The following MYZAP variants were observed in gnomAD, a reference collection of about 807,000 sequenced individuals.
The protein encoded by MYZAP is myocardial zonula adherens protein, also known as GRINL1A complex locus upstream.
Under a neutral mutation model 69.4 loss-of-function variants are expected in MYZAP, and 66 were observed. That is an observed-to-expected ratio of 0.95 (90% CI 0.78 to 1.17). The LOEUF (loss-of-function observed/expected upper bound fraction) is 1.17, where lower values mean the gene tolerates loss of function less well. Ranked by LOEUF, MYZAP falls within the 50% of genes most tolerant of loss-of-function variation. The pLI is 0.00. For missense variants in MYZAP, 611 were observed against 556.2 expected (o/e 1.10, Z -0.99); for synonymous variants, 256 against 205.9 (o/e 1.24, Z -2.09).
chr15:57,611,275 C>A (rs904716220), intron 2 of MYZAP, among the ~76,000 whole-genome samples: 1 of 152,144 alleles, frequency 6.6e-6, no homozygotes, highest in African/African-American at 2.4e-5. Context: ...ATTTGCAATT[C>A]CAACTCAGGT....
rs961468637 is a variant in MYZAP at position 57,603,994 on chromosome 15, A to C, written c.76-275A>C. Among the ~76,000 whole-genome samples the C allele has an allele frequency of 2.0e-5, 3 of 152,240 alleles. No homozygotes were observed. The East Asian group carries it at 5.8e-4, about 29-fold the overall frequency. On this transcript the variant is annotated intron_variant, in intron 1 of 12. Coordinates refer to ENST00000267853, the MANE Select transcript of MYZAP (RefSeq NM_001018100.5). ...GATCATTCTATACATATTCTTATGG[A>C]AACTGAGCCATTGGTAAAGAAATGT...
At chr15:57,625,936 C>A in intron 5 of MYZAP, 44 bp downstream of exon 5, 1 of 1,552,952 alleles carries the variant, frequency 6.4e-7, no homozygotes, top group South Asian at 1.1e-5. Context: ...CCAGCTTAAT[C>A]AAGAGTGGGG....
At chr15:57,617,055 GA>G (rs1472373789) in intron 2 of MYZAP, among the ~76,000 whole-genome samples, 1 of 151,802 alleles carries the variant, frequency 6.6e-6, no homozygotes, top group Non-Finnish European at 1.5e-5. Context: ...CCATGTTGTG[GA>G]GGCACCTACT....
chr15:57,669,657 A>C (rs1284297396), intron 11 of MYZAP, among the ~76,000 whole-genome samples: 1 of 151,984 alleles, frequency 6.6e-6, no homozygotes, highest in African/African-American at 2.4e-5. Context: ...CCTGATGTTC[A>C]TTACTTCCTT....
intron 12 of MYZAP, among the ~76,000 whole-genome samples, chr15:57,681,207 C>T (rs758746149): frequency 6.6e-6 from 1 of 152,180 alleles, no homozygotes; most frequent in Admixed American, 6.5e-5. Context: ...AGCCATCTGG[C>T]TTCTGCCCCT....
intron 10 of MYZAP, among the ~76,000 whole-genome samples, chr15:57,640,926 C>G (rs2037115874): frequency 6.6e-6 from 1 of 152,190 alleles, no homozygotes; most frequent in Non-Finnish European, 1.5e-5. Flanking sequence ...ATCGTCAACA[C>G]TAGGTAGATG....
At chr15:57,621,017 A>G (rs982962462) in intron 3 of MYZAP, among the ~76,000 whole-genome samples, 1 of 147,998 alleles carries the variant, frequency 6.8e-6, no homozygotes, top group Non-Finnish European at 1.5e-5. Context: ...TATTTGATAT[A>G]TTCTATATTA....
At chr15:57,593,212 A>ACACACACACACACACACACACACACT (rs770540454) in intron 1 of MYZAP, among the ~76,000 whole-genome samples, 5 of 124,906 alleles carry the variant, frequency 4.0e-5, no homozygotes, top group South Asian at 5.1e-4. Flanking sequence ...ACACACACAC[A>ACACACACACACACACACACACACACT]CACCCCAGAA....
At chr15:57,596,191 A>G (rs1365101412) in intron 1 of MYZAP, among the ~76,000 whole-genome samples, 1 of 151,980 alleles carries the variant, frequency 6.6e-6, no homozygotes, top group South Asian at 2.1e-4. Flanking sequence ...ATTTTGACCC[A>G]TTTGTCTCTG....
chr15:57,613,235 C>A (rs1224970277), intron 2 of MYZAP, among the ~76,000 whole-genome samples: 1 of 151,748 alleles, frequency 6.6e-6, no homozygotes, highest in Non-Finnish European at 1.5e-5. Flanking sequence ...CCTGGCCAGG[C>A]CTTTTATTTT....
At chr15:57,679,443 C>G (rs1352068372) in intron 12 of MYZAP, among the ~76,000 whole-genome samples, 1 of 151,366 alleles carries the variant, frequency 6.6e-6, no homozygotes, top group Non-Finnish European at 1.5e-5. Flanking sequence ...ATTTTCATCT[C>G]TTTCACTAAT....
intron 1 of MYZAP, chr15:57,599,507 G>C (rs1432599950): frequency 8.3e-7 from 1 of 1,210,116 alleles, no homozygotes; most frequent in African/African-American, 1.6e-5. Flanking sequence ...CAGCTGGTTC[G>C]GTAGCAGTGG....
chr15:57,593,750 C>T (rs896933092), intron 1 of MYZAP, among the ~76,000 whole-genome samples: 2 of 152,146 alleles, frequency 1.3e-5, no homozygotes, highest in South Asian at 4.1e-4. Flanking sequence ...CAGGGCTGTC[C>T]TGGGTACACT....
At chr15:57,661,267 G>GA (rs1435875450) in intron 10 of MYZAP, among the ~76,000 whole-genome samples, 183 bp from the exon 11 acceptor site, 1 of 152,062 alleles carries the variant, frequency 6.6e-6, no homozygotes, top group African/African-American at 2.4e-5. Context: ...ACTGTTCCAC[G>GA]AAACACAGAG....
chr15:57,629,346 A>G (rs1399041678), intron 5 of MYZAP, among the ~76,000 whole-genome samples: 4 of 152,178 alleles, frequency 2.6e-5, no homozygotes, highest in Non-Finnish European at 5.9e-5. Flanking sequence ...TACTATACTT[A>G]CTATTTTCAA....
intron 1 of MYZAP, among the ~76,000 whole-genome samples, chr15:57,594,764 G>C (rs903463264): frequency 4.6e-5 from 7 of 152,180 alleles, no homozygotes; most frequent in Non-Finnish European, 5.9e-5. Context: ...TGGCAAATTG[G>C]ACCTGCTTTG....
rs556836885 is a variant in MYZAP at position 57,655,456 on chromosome 15, G to C, written c.1120-5994G>C. On this transcript the variant is annotated intron_variant, in intron 10 of 12. Coordinates refer to ENST00000267853, the MANE Select transcript of MYZAP (RefSeq NM_001018100.5). ...AAGCGTAGGGGGTTTTTAATTGGGA[G>C]AGTGAGATAGTCTGCATTCCTGGTA... 5.9e-5 allele frequency among the ~76,000 whole-genome samples: 9 copies of C among 152,234 alleles called. No individual in the cohort carries two copies. In the East Asian group the frequency reaches 1.5e-3, roughly 26 times the overall value.
intron 10 of MYZAP, among the ~76,000 whole-genome samples, chr15:57,659,652 G>A (rs1459172265): frequency 6.6e-6 from 1 of 152,132 alleles, no homozygotes; most frequent in Non-Finnish European, 1.5e-5. Flanking sequence ...AGAATATTGA[G>A]TCAAATTACT....
intron 2 of MYZAP, among the ~76,000 whole-genome samples, chr15:57,609,065 C>T (rs1347003985): frequency 6.6e-6 from 1 of 152,184 alleles, no homozygotes; most frequent in African/African-American, 2.4e-5. Context: ...GCTAAGAACT[C>T]CACATAGGTA....
Sources: gnomAD v4.1 joint callset for allele counts (sites outside exome capture counted in the v4.1 genomes callset) on GRCh38, gnomAD v4.1.1 for gene constraint, MANE v1.5 for transcripts, NCBI Gene and HGNC (gene_info 2026-07-23, HGNC 2026-07-21) for gene names.